The following NRG3 variants were observed in gnomAD, a reference collection of about 807,000 sequenced individuals.
NRG3 encodes the protein neuregulin 3.
Under a neutral mutation model 66.9 loss-of-function variants are expected in NRG3, and 31 were observed. The ratio of observed to expected loss-of-function variants is 0.46; its 90% confidence interval spans 0.35 to 0.63. The LOEUF (loss-of-function observed/expected upper bound fraction) is 0.63. Among genes scored for constraint, NRG3 ranks in the 20% least tolerant of loss-of-function variants. The pLI is 0.00. For synonymous variants in NRG3, 393 were observed against 359.4 expected (o/e 1.09, Z -1.06); for missense variants, 910 against 878.9 (o/e 1.04, Z -0.45).
chr10:82,958,863 A>G (rs2132439617), intron 5 of NRG3, 86 bp from the exon 6 acceptor site: 5 of 1,388,418 alleles, frequency 3.6e-6, no homozygotes, highest in East Asian at 2.6e-5. Context: ...AATAACAAAT[A>G]TAGACACTGG....
At position 82,050,672 on chromosome 10, in the gene NRG3, T is replaced by C. The variant is rs542358031; in HGVS notation, c.823+174509T>C. Among the ~76,000 whole-genome samples, 65 of 152,030 alleles carry C rather than the reference T, an allele frequency of 4.3e-4. 1 individual carries two copies. Among genetic ancestry groups the C allele is most frequent in the Non-Finnish European group, 8.4e-4 (57 of 68,008 alleles). On this transcript the variant is annotated intron_variant, in intron 1 of 8. Transcript: ENST00000372141. ...TCTTTGCTATGCCTTCGTAGACATTTTGGTGGAAAGTGGTGACAGACAGTG... is the reference window on the plus strand; with the variant it reads ...TCTTTGCTATGCCTTCGTAGACATTCTGGTGGAAAGTGGTGACAGACAGTG...
chr10:82,702,243 C>T (rs992580297), intron 2 of NRG3, among the ~76,000 whole-genome samples: 2 of 152,054 alleles, frequency 1.3e-5, no homozygotes, highest in East Asian at 3.9e-4. Flanking sequence ...CAGCTGCATT[C>T]GCTTCATGAA....
At chr10:82,564,337 G>T (rs780449569) in intron 2 of NRG3, among the ~76,000 whole-genome samples, 6 of 152,126 alleles carry the variant, frequency 3.9e-5, no homozygotes, top group Admixed American at 6.6e-5. Flanking sequence ...TCTCTGAATT[G>T]ATTAAAACTT....
At chr10:82,019,449 C>A (rs1411092598) in intron 1 of NRG3, among the ~76,000 whole-genome samples, 6 of 151,900 alleles carry the variant, frequency 3.9e-5, no homozygotes, top group Non-Finnish European at 8.8e-5. Flanking sequence ...ATGCTGGCCT[C>A]ATAAAATGAG....
chr10:82,475,574 C>T (rs1447929361), intron 2 of NRG3, among the ~76,000 whole-genome samples: 1 of 151,924 alleles, frequency 6.6e-6, no homozygotes, highest in Non-Finnish European at 1.5e-5. Flanking sequence ...TACAAAGATA[C>T]CAAAACCATT....
At chr10:82,460,841 A>T (rs1008257739) in intron 2 of NRG3, among the ~76,000 whole-genome samples, 1 of 152,084 alleles carries the variant, frequency 6.6e-6, no homozygotes, top group African/African-American at 2.4e-5. Flanking sequence ...ATCCTCCCAC[A>T]TGCCTGCTCT....
At chr10:82,486,808 G>T (rs1426686205) in intron 2 of NRG3, among the ~76,000 whole-genome samples, 1 of 152,080 alleles carries the variant, frequency 6.6e-6, no homozygotes, top group Non-Finnish European at 1.5e-5. Flanking sequence ...TATGTTAAGT[G>T]AAATAAGCCA....
intron 2 of NRG3, among the ~76,000 whole-genome samples, chr10:82,482,019 T>G (rs1332221162): frequency 6.6e-6 from 1 of 152,076 alleles, no homozygotes; most frequent in Non-Finnish European, 1.5e-5. Flanking sequence ...GTAGTAGAAA[T>G]ACAGTATTAT....
chr10:82,311,197 GT>G (rs773150567), intron 1 of NRG3, among the ~76,000 whole-genome samples: 2 of 152,208 alleles, frequency 1.3e-5, no homozygotes, highest in South Asian at 2.1e-4. Flanking sequence ...GAGTTGCCTA[GT>G]AGTAAAGAGG....
At chr10:81,961,160 A>G (rs919462480) in intron 1 of NRG3, among the ~76,000 whole-genome samples, 11 of 152,224 alleles carry the variant, frequency 7.2e-5, no homozygotes, top group African/African-American at 1.4e-4. Context: ...CAAATTATCT[A>G]TATATGAATT....
At chr10:82,750,868 T>C (rs1028374161) in intron 3 of NRG3, among the ~76,000 whole-genome samples, 14 of 152,148 alleles carry the variant, frequency 9.2e-5, no homozygotes, top group African/African-American at 3.4e-4. Flanking sequence ...CCATCATTTA[T>C]TGAAATTAAT....
chr10:82,579,689 CAACA>C (rs2046240426), intron 2 of NRG3, among the ~76,000 whole-genome samples: 1 of 151,946 alleles, frequency 6.6e-6, no homozygotes, highest in Admixed American at 6.6e-5. Flanking sequence ...CATGTTGTAG[CAACA>C]AACATTTCCC....
chr10:82,627,583 G>A (rs1489430443), intron 2 of NRG3, among the ~76,000 whole-genome samples: 1 of 152,108 alleles, frequency 6.6e-6, no homozygotes, highest in Non-Finnish European at 1.5e-5. Flanking sequence ...TATTGAAATT[G>A]TTATATACTG....
At chr10:82,255,295 G>A (rs2077664933) in intron 1 of NRG3, among the ~76,000 whole-genome samples, 1 of 152,134 alleles carries the variant, frequency 6.6e-6, no homozygotes, top group African/African-American at 2.4e-5. Flanking sequence ...AATTGACACA[G>A]CCAAGGGGAG....
At chr10:82,934,146 T>C (rs1050786937) in intron 4 of NRG3, among the ~76,000 whole-genome samples, 6 of 152,200 alleles carry the variant, frequency 3.9e-5, no homozygotes, top group Non-Finnish European at 5.9e-5. Flanking sequence ...TAATGCAGCT[T>C]ATGATGCCAA....
intron 3 of NRG3, among the ~76,000 whole-genome samples, chr10:82,745,934 C>G (rs1418708213): frequency 6.6e-6 from 1 of 152,112 alleles, no homozygotes; most frequent in Admixed American, 6.6e-5. Flanking sequence ...CTCTGTCACC[C>G]AGGCTGGAGT....
In NRG3 at chr10:82,003,277, A is replaced by G. The variant is rs758889017; in HGVS notation, c.823+127114A>G. ...GTTTGAGGCTCATTTAAGATACACAATTGGAGATGTCAAACAGGCAACTGA... is the reference window on the plus strand; with the variant it reads ...GTTTGAGGCTCATTTAAGATACACAGTTGGAGATGTCAAACAGGCAACTGA... On this transcript the variant is annotated intron_variant, in intron 1 of 8. Coordinates refer to ENST00000372141, the MANE Select transcript of NRG3 (RefSeq NM_001010848.4). 3.9e-4 allele frequency among the ~76,000 whole-genome samples: 59 copies of G among 152,198 alleles called. 1 individual carries two copies. Among genetic ancestry groups the G allele is most frequent in the Non-Finnish European group, 1.5e-4 (10 of 68,040 alleles).
intron 2 of NRG3, among the ~76,000 whole-genome samples, chr10:82,649,746 G>C (rs1041182440): frequency 6.6e-6 from 1 of 151,742 alleles, no homozygotes; most frequent in Non-Finnish European, 1.5e-5. Context: ...GAGCCACTGC[G>C]CCTGGCTGGT....
chr10:82,530,962 A>T (rs1177649389), intron 2 of NRG3, among the ~76,000 whole-genome samples: 2 of 151,902 alleles, frequency 1.3e-5, no homozygotes, highest in African/African-American at 4.8e-5. Flanking sequence ...ATCTTGTTAA[A>T]ATTATTAACA....
Sources: allele counts gnomAD v4.1 joint callset (sites outside exome capture counted in the v4.1 genomes callset), GRCh38; gene constraint gnomAD v4.1.1; transcripts MANE v1.5; gene names NCBI Gene and HGNC (gene_info 2026-07-23, HGNC 2026-07-21).